CNIH3: variants seen among roughly 807,000 people sequenced by gnomAD.
CNIH3 encodes the protein protein cornichon homolog 3.
Under a neutral mutation model 24.1 loss-of-function variants are expected in CNIH3, and 14 were observed. That is an observed-to-expected ratio of 0.58 (90% confidence interval 0.38 to 0.91). The LOEUF (loss-of-function observed/expected upper bound fraction) is 0.91, where lower values mean the gene tolerates loss of function less well. Ranked by LOEUF, CNIH3 falls within the 40% of genes least tolerant of loss-of-function variation. The pLI is 0.00. For missense variants in CNIH3, 178 were observed against 196.8 expected (o/e 0.90, Z 0.57); for synonymous variants, 68 against 73.8 (o/e 0.92, Z 0.40).
rs1027778601 is a variant in CNIH3 at position 224,620,878 on chromosome 1, C to T, written c.81+3623C>T. Among the ~76,000 whole-genome samples the T allele has an allele frequency of 2.0e-5, 3 of 152,046 alleles. 1 individual carries two copies. The highest frequency in any genetic ancestry group is 4.1e-4 in the South Asian group (2 of 4,822). ...GTGGACGTTTAGAAGGAAAAAAAAG[C>T]GTTCTAAAGGGTTTTTGATGTGAAG... On this transcript the variant is annotated intron_variant, in intron 1 of 5. Transcript: ENST00000272133.
At chr1:224,576,928 C>T (rs978339118) in intron 4 of CNIH3, among the ~76,000 whole-genome samples, 7 of 152,264 alleles carry the variant, frequency 4.6e-5, no homozygotes, top group African/African-American at 1.7e-4. Context: ...ATACAGCCAA[C>T]TGATCTTCAG....
chr1:224,718,774 C>A (rs188737852), intron 3 of CNIH3, among the ~76,000 whole-genome samples: 3 of 152,192 alleles, frequency 2.0e-5, no homozygotes, highest in East Asian at 3.9e-4. Context: ...TCCTGGGACT[C>A]GTGGCAGTTT....
chr1:224,555,773 CT>C (rs201490348), intron 3 of CNIH3, among the ~76,000 whole-genome samples: 1 of 151,654 alleles, frequency 6.6e-6, no homozygotes, highest in African/African-American at 2.4e-5. Context: ...TGAGCTAATC[CT>C]TTTTTTTTCC....
chr1:224,463,308 T>TGGTC (rs1404292384), intron 1 of CNIH3, among the ~76,000 whole-genome samples: 1 of 152,236 alleles, frequency 6.6e-6, no homozygotes, highest in Non-Finnish European at 1.5e-5. Context: ...ACTCTTGGGA[T>TGGTC]GGTCAGTCTT....
At chr1:224,457,958 G>C (rs1385164511) in intron 1 of CNIH3, among the ~76,000 whole-genome samples, 1 of 152,144 alleles carries the variant, frequency 6.6e-6, no homozygotes, top group African/African-American at 2.4e-5. Context: ...GCTAGGTGTG[G>C]GGAGGAAGCA....
chr1:224,628,541 C>G (rs1683657157), intron 1 of CNIH3, among the ~76,000 whole-genome samples: 1 of 152,118 alleles, frequency 6.6e-6, no homozygotes, highest in African/African-American at 2.4e-5. Flanking sequence ...CAGTATTTGT[C>G]CTGCTGTGAT....
chr1:224,639,737 C>T (rs1405687684), intron 1 of CNIH3, among the ~76,000 whole-genome samples: 2 of 152,146 alleles, frequency 1.3e-5, no homozygotes, highest in Non-Finnish European at 2.9e-5. Flanking sequence ...TTCCTGAGGG[C>T]CTGGAGGGAA....
chr1:224,589,801 C>T (rs146584097), downstream of CNIH3, among the ~76,000 whole-genome samples: 279 of 152,270 alleles, frequency 1.8e-3, 1 homozygote, highest in African/African-American at 6.3e-3. Context: ...GGTTTTCCAG[C>T]TCCTCTAAAG....
intron 3 of CNIH3, among the ~76,000 whole-genome samples, chr1:224,557,330 G>A (rs1483202807): frequency 6.6e-6 from 1 of 151,856 alleles, no homozygotes; most frequent in Admixed American, 6.6e-5. Flanking sequence ...TTACAGGTGT[G>A]AGCCACTGCA....
chr1:224,589,938 A>G (rs969110443), downstream of CNIH3, among the ~76,000 whole-genome samples: 22 of 152,000 alleles, frequency 1.4e-4, no homozygotes, highest in African/African-American at 5.3e-4. Context: ...GTGCAGTGGC[A>G]CAATCTCAGC....
intron 1 of CNIH3, among the ~76,000 whole-genome samples, chr1:224,619,332 C>G (rs1004862145): frequency 4.6e-5 from 7 of 152,258 alleles, no homozygotes; most frequent in Non-Finnish European, 1.5e-5. Context: ...TCTCAATGCT[C>G]ACCCCCTTAT....
intron 1 of CNIH3, among the ~76,000 whole-genome samples, chr1:224,659,698 C>A (rs1052883982): frequency 6.6e-6 from 1 of 152,130 alleles, no homozygotes; most frequent in Non-Finnish European, 1.5e-5. Context: ...GCCAAGAGTA[C>A]GGAATCAAGT....
chr1:224,444,376 A>T (rs2102951064), intron 1 of CNIH3, among the ~76,000 whole-genome samples: 1 of 151,986 alleles, frequency 6.6e-6, no homozygotes, highest in South Asian at 2.1e-4. Context: ...TTTTATTTTT[A>T]TTTTTATTTT....
intron 1 of CNIH3, among the ~76,000 whole-genome samples, chr1:224,672,807 G>GT (rs1351634104): frequency 6.6e-6 from 1 of 152,204 alleles, no homozygotes; most frequent in Non-Finnish European, 1.5e-5. Context: ...TCCGTTCAAA[G>GT]TGGCCCTAAT....
At chr1:224,555,296 A>T (rs2124973470) in intron 3 of CNIH3, among the ~76,000 whole-genome samples, 1 of 152,304 alleles carries the variant, frequency 6.6e-6, no homozygotes, top group South Asian at 2.1e-4. Flanking sequence ...CTGTAAATGT[A>T]ATGAAGATTT....
At chr1:224,631,052 G>C (rs890322080) in intron 1 of CNIH3, among the ~76,000 whole-genome samples, 2 of 152,032 alleles carry the variant, frequency 1.3e-5, no homozygotes, top group Non-Finnish European at 2.9e-5. Flanking sequence ...CCAGCTACTC[G>C]GGAGGCTGAG....
chr1:224,434,993 C>G (rs758879358), intron 1 of CNIH3: 1 of 985,412 alleles, frequency 1.0e-6, no homozygotes, highest in African/African-American at 1.7e-5. Context: ...CTATCCGATC[C>G]TATCCCCGGC....
At chr1:224,486,884 G>A (rs941617684) in intron 1 of CNIH3, among the ~76,000 whole-genome samples, 4 of 152,330 alleles carry the variant, frequency 2.6e-5, no homozygotes, top group Non-Finnish European at 4.4e-5. Flanking sequence ...GACAGATGCA[G>A]CATTGCTGTG....
chr1:224,661,648 T>C, intron 1 of CNIH3: 1 of 290,040 alleles, frequency 3.4e-6, no homozygotes, highest in Non-Finnish European at 6.7e-6. Context: ...TCAAAATGAC[T>C]TCCGCCACGT....
Sources: gnomAD v4.1 joint callset for allele counts (sites outside exome capture counted in the v4.1 genomes callset) on GRCh38, gnomAD v4.1.1 for gene constraint, MANE v1.5 for transcripts, NCBI Gene and HGNC (gene_info 2026-07-23, HGNC 2026-07-21) for gene names.